The following ZNF678 variants were observed in gnomAD, a reference collection of about 807,000 sequenced individuals.
ZNF678 encodes the protein zinc finger protein 678.
ZNF678 carries 5 observed loss-of-function variants against 3.0 expected under a neutral mutation model. The ratio of observed to expected loss-of-function variants is 1.69; its 90% confidence interval spans 0.88 to 3.56. The LOEUF is 3.56. ZNF678 is among the 30% of genes most tolerant of loss of function. The probability of loss-of-function intolerance (pLI) is 0.00; values close to 1 mark genes in which losing one functional copy is unlikely to be tolerated. For synonymous variants in ZNF678, 218 were observed against 199.6 expected, an observed-to-expected ratio of 1.09 and a Z score of -0.78; for missense variants, 593 against 605.0, an observed-to-expected ratio of 0.98 and a Z score of 0.21.
At chr1:227,671,323 A>C (rs1195937979) in intron 5 of ZNF678, among the ~76,000 whole-genome samples, 1 of 151,900 alleles carries the variant, frequency 6.6e-6, no homozygotes, top group Non-Finnish European at 1.5e-5. Context: ...TTCTGAATTA[A>C]GGGTTTATAA....
At position 227,659,991 on chromosome 1, in the gene ZNF678, A is replaced by T. The variant is rs887152955; in HGVS notation, c.*4163A>T. ...GGCATTGTTTATCATTTAACAGATA[A>T]TTCTCTAAGCCCCCTTCTCCTAAAA... On this transcript the variant is annotated 3_prime_UTR_variant, in exon 4 of 4. Coordinates refer to ENST00000343776, the MANE Select transcript of ZNF678 (RefSeq NM_001367909.1). The T allele has an allele frequency of 2.6e-5, 4 of 152,122 alleles. No individual in the cohort carries two copies. The highest frequency in any genetic ancestry group is 9.6e-5 in the African/African-American group (4 of 41,454). The allele number at this position is 152,122 out of a possible 1,614,324, so 9.4% of individuals were successfully genotyped here.
chr1:227,679,426 C>T (rs1418440506), downstream of ZNF678, among the ~76,000 whole-genome samples: 1 of 152,088 alleles, frequency 6.6e-6, no homozygotes, highest in Non-Finnish European at 1.5e-5. Context: ...TCTATAGATT[C>T]CAGACATTGT....
intron 1 of ZNF678, among the ~76,000 whole-genome samples, chr1:227,621,858 A>T (rs1433243516): frequency 6.6e-6 from 1 of 152,160 alleles, no homozygotes; most frequent in Admixed American, 6.5e-5. Context: ...GGTACCACTG[A>T]CCACCATCAA....
intron 1 of ZNF678, among the ~76,000 whole-genome samples, chr1:227,625,816 C>T (rs1658398626): frequency 6.6e-6 from 1 of 152,096 alleles, no homozygotes; most frequent in African/African-American, 2.4e-5. Context: ...GAACTCCACC[C>T]CCATCAGACA....
At chr1:227,626,080 A>T (rs1414451485) in intron 1 of ZNF678, among the ~76,000 whole-genome samples, 1 of 152,182 alleles carries the variant, frequency 6.6e-6, no homozygotes, top group Non-Finnish European at 1.5e-5. Context: ...GTACAGCAGT[A>T]TGGAGCTACT....
At chr1:227,673,000 C>T (rs1659625733) in intron 5 of ZNF678, among the ~76,000 whole-genome samples, 1 of 152,154 alleles carries the variant, frequency 6.6e-6, no homozygotes, top group Non-Finnish European at 1.5e-5. Flanking sequence ...AGGGTTGGCT[C>T]AACTCTTCTT....
chr1:227,601,302 A>G (rs964286450), intron 1 of ZNF678, among the ~76,000 whole-genome samples: 5 of 152,154 alleles, frequency 3.3e-5, no homozygotes, highest in African/African-American at 1.2e-4. Flanking sequence ...AATAGCATTG[A>G]ATCTGTAAAT....
chr1:227,654,174 A>C (rs909692776), intron 3 of ZNF678, among the ~76,000 whole-genome samples, 162 bp from the exon 4 acceptor site: 11 of 151,974 alleles, frequency 7.2e-5, no homozygotes, highest in African/African-American at 2.7e-4. Flanking sequence ...TTTGGTCAGT[A>C]TATTTTTGTT....
intron 1 of ZNF678, 117 bp downstream of exon 1, chr1:227,563,841 G>C (rs972356602): frequency 4.2e-6 from 4 of 949,724 alleles, no homozygotes; most frequent in Non-Finnish European, 5.9e-6. Flanking sequence ...TCTGGGTAGG[G>C]GCGGGGCCAG....
intron 3 of ZNF678, among the ~76,000 whole-genome samples, chr1:227,651,358 G>A (rs1659088875): frequency 6.6e-6 from 1 of 152,190 alleles, no homozygotes; most frequent in African/African-American, 2.4e-5. Flanking sequence ...TTTTTACCAA[G>A]TCACAGGTCT....
rs72748099 is a variant in ZNF678, at chr1:227,654,280, A to G, written c.86-56A>G. Reference sequence around the variant, plus strand: ...ATAATTATATTTATTAGATTTGTAAAGTATATTTACTGGAGATTAGTAAGA... The same window carrying G: ...ATAATTATATTTATTAGATTTGTAAGGTATATTTACTGGAGATTAGTAAGA... On this transcript the variant is annotated intron_variant, in intron 3 of 3. Coordinates refer to ENST00000343776, the MANE Select transcript of ZNF678 (RefSeq NM_001367909.1). The G allele has an allele frequency of 0.084, 107,797 of 1,283,194 alleles. 5,379 individuals are homozygous for G. Among genetic ancestry groups the G allele is most frequent in the Non-Finnish European group, 0.097 (92,587 of 958,642 alleles). 79.5% of individuals were successfully genotyped at this position (1,283,194 alleles called of 1,614,324 possible). A position where few individuals can be genotyped will look rare whatever the true frequency, so the allele number is the denominator to read the frequency against.
At chr1:227,635,767 G>C (rs1658662867) in intron 1 of ZNF678, among the ~76,000 whole-genome samples, 1 of 152,042 alleles carries the variant, frequency 6.6e-6, no homozygotes, top group African/African-American at 2.4e-5. Context: ...AGGCTCTCTT[G>C]CTGCTTCTGC....
At chr1:227,637,863 G>A (rs1022093627) in intron 1 of ZNF678, among the ~76,000 whole-genome samples, 4 of 152,134 alleles carry the variant, frequency 2.6e-5, no homozygotes, top group Non-Finnish European at 2.9e-5. Flanking sequence ...GTGAGCCCTC[G>A]GGTTCACGGG....
intron 1 of ZNF678, among the ~76,000 whole-genome samples, chr1:227,565,054 CTTTTTTTTTTTTTT>C (rs56226010): frequency 3.4e-4 from 11 of 32,740 alleles, no homozygotes; most frequent in South Asian, 3.1e-3. Context: ...CCCTACCCGG[CTTTTTTTTTTTTTT>C]TTTTTTTTTT....
intron 1 of ZNF678, among the ~76,000 whole-genome samples, chr1:227,579,721 A>C (rs1243959644): frequency 1.3e-5 from 2 of 152,138 alleles, no homozygotes; most frequent in Non-Finnish European, 2.9e-5. Flanking sequence ...ACTGCCCTGC[A>C]AGCAGACATG....
Position 227,659,529 on chromosome 1 carries a change from C to T in ZNF678, c.*3701C>T, listed in dbSNP as rs911281780. The T allele has an allele frequency of 1.3e-5, 2 of 152,108 alleles. No homozygotes were observed. The highest frequency in any genetic ancestry group is 2.9e-5 in the Non-Finnish European group (2 of 68,024). 9.4% of individuals were successfully genotyped at this position (152,108 alleles called of 1,614,324 possible). A position where few individuals can be genotyped will look rare whatever the true frequency, so the allele number is the denominator to read the frequency against. Reference sequence around the variant, plus strand: ...GGTGTCCCAAACTTAAAGTGAAAGCCATAGAGTCCTTTGGTGACTCCCATG... The same window carrying T: ...GGTGTCCCAAACTTAAAGTGAAAGCTATAGAGTCCTTTGGTGACTCCCATG... On this transcript the variant is annotated 3_prime_UTR_variant, in exon 4 of 4. Coordinates refer to ENST00000343776, the MANE Select transcript of ZNF678 (RefSeq NM_001367909.1).
At chr1:227,602,377 T>C (rs1423175824) in intron 1 of ZNF678, among the ~76,000 whole-genome samples, 1 of 152,234 alleles carries the variant, frequency 6.6e-6, no homozygotes, top group Non-Finnish European at 1.5e-5. Flanking sequence ...ATTTGTGTAA[T>C]ATACAGTACT....
At chr1:227,629,882 C>G (rs572603935) in intron 1 of ZNF678, among the ~76,000 whole-genome samples, 2 of 152,216 alleles carry the variant, frequency 1.3e-5, no homozygotes, top group African/African-American at 2.4e-5. Context: ...ATTTGCCCAG[C>G]CTTTCCCTTT....
intron 1 of ZNF678, among the ~76,000 whole-genome samples, chr1:227,602,216 A>G (rs543302892): frequency 6.6e-6 from 1 of 152,368 alleles, no homozygotes; most frequent in Admixed American, 6.5e-5. Flanking sequence ...ATTAGTAATG[A>G]GATAATAATT....
Sources: gnomAD v4.1 joint callset for allele counts (sites outside exome capture counted in the v4.1 genomes callset) on GRCh38, gnomAD v4.1.1 for gene constraint, MANE v1.5 for transcripts, NCBI Gene and HGNC (gene_info 2026-07-23, HGNC 2026-07-21) for gene names.